The following MIX23 variants were observed in gnomAD, a reference collection of about 807,000 sequenced individuals.
MIX23 encodes mitochondrial matrix import factor 23.
In MIX23, 13 loss-of-function variants were observed where a neutral mutation model predicts 21.6. That is an observed-to-expected ratio of 0.60 (90% CI 0.39 to 0.96). The LOEUF (loss-of-function observed/expected upper bound fraction) is 0.96. MIX23 is among the 40% of genes least tolerant of loss of function. MIX23 has a pLI of 0.00. For synonymous variants in MIX23, 59 were observed against 58.0 expected, an observed-to-expected ratio of 1.02 and a Z score of -0.08; for missense variants, 144 against 171.2, an observed-to-expected ratio of 0.84 and a Z score of 0.89.
chr3:122,382,690 G>C (rs2075543121), intron 1 of MIX23, among the ~76,000 whole-genome samples: 1 of 152,182 alleles, frequency 6.6e-6, no homozygotes, highest in Non-Finnish European at 1.5e-5. Context: ...CACTAGAGCA[G>C]GTACTATAAT....
At chr3:122,361,120 C>T (rs548943612) in intron 4 of MIX23, among the ~76,000 whole-genome samples, 29 of 152,208 alleles carry the variant, frequency 1.9e-4, no homozygotes, top group Non-Finnish European at 3.8e-4. Context: ...GCTGGGATTA[C>T]AGGCGTGAGC....
At position 122,362,984 on chromosome 3, in the gene MIX23, T is replaced by C. The variant is rs779599766; in HGVS notation, c.368A>G (p.Asn123Ser). The change falls in exon 4 of 5, where the codon AAT (asparagine) becomes AGT (serine). Residue 123 changes from asparagine (N) to serine (S), a missense_variant. Transcript: ENST00000291458. ...ATTTTATACCTTCCAGCTCCTGTCA[T>C]TTACCACTTCTTCAACATTCAGTTC... ...QSELNVEEVV[N>S]DRSWKVFNER... 2 of 1,613,552 alleles carry C rather than the reference T, an allele frequency of 1.2e-6. No individual in the cohort carries two copies. The highest frequency in any genetic ancestry group is 1.1e-5 in the South Asian group (1 of 91,056).
At chr3:122,380,959 G>A (rs2075526583) in intron 1 of MIX23, among the ~76,000 whole-genome samples, 3 of 152,130 alleles carry the variant, frequency 2.0e-5, no homozygotes, top group Non-Finnish European at 4.4e-5. Flanking sequence ...TAACTCACAC[G>A]TGACACACAA....
chr3:122,363,421 G>A (rs1368535468), intron 3 of MIX23, among the ~76,000 whole-genome samples: 1 of 151,814 alleles, frequency 6.6e-6, no homozygotes, highest in African/African-American at 2.4e-5. Flanking sequence ...TAACATTAGT[G>A]AAGGTACGTG....
At chr3:122,369,426 T>C (rs1016748643) in intron 2 of MIX23, among the ~76,000 whole-genome samples, 3 of 152,214 alleles carry the variant, frequency 2.0e-5, no homozygotes, top group Non-Finnish European at 4.4e-5. Flanking sequence ...AGGGTGAACA[T>C]GAGCAACTTG....
intron 1 of MIX23, among the ~76,000 whole-genome samples, chr3:122,374,388 A>C (rs2075466978): frequency 6.6e-6 from 1 of 152,192 alleles, no homozygotes; most frequent in Non-Finnish European, 1.5e-5. Flanking sequence ...TGGTTAACAA[A>C]ATCCAAGGAT....
intron 1 of MIX23, among the ~76,000 whole-genome samples, chr3:122,379,327 T>C (rs964477819): frequency 2.0e-5 from 3 of 152,132 alleles, no homozygotes; most frequent in Non-Finnish European, 4.4e-5. Flanking sequence ...TTTTGTGGTG[T>C]AATGAGACAG....
rs150004660 is a variant in MIX23, at chr3:122,383,182, C to T, written c.43G>A (p.Glu15Lys). 106 of 1,613,578 alleles carry T rather than the reference C, an allele frequency of 6.6e-5. No homozygotes were observed. Among genetic ancestry groups the T allele is most frequent in the Non-Finnish European group, 9.0e-5 (106 of 1,180,046 alleles). ...GAGGAAAACCCCATCACCTGGAACT[C>T]GGCGAACTCCTCACAGTTCACACCG... ...SGGVNCEEFAEFQELLKVMRT... is the reference protein window; with the variant it reads ...SGGVNCEEFAKFQELLKVMRT... The change falls in exon 1 of 5, where the codon GAG becomes AAG. Residue 15 changes from glutamate (E) to lysine (K), a missense_variant. Glu to Lys is a moderately conservative substitution (Grantham distance 56, BLOSUM62 1). Coordinates refer to ENST00000291458, the MANE Select transcript of MIX23 (RefSeq NM_001017928.4).
At chr3:122,377,269 T>A (rs1015163172) in intron 1 of MIX23, among the ~76,000 whole-genome samples, 2 of 152,182 alleles carry the variant, frequency 1.3e-5, no homozygotes, top group African/African-American at 4.8e-5. Context: ...TGTTTTGGAC[T>A]TGTTAACGTT....
intron 4 of MIX23, among the ~76,000 whole-genome samples, chr3:122,361,751 G>A (rs1235793319): frequency 2.0e-5 from 3 of 152,066 alleles, no homozygotes; most frequent in Non-Finnish European, 4.4e-5. Context: ...ATCCTCTCAA[G>A]TGACAGACAC....
chr3:122,379,345 T>C (rs767732598), intron 1 of MIX23, among the ~76,000 whole-genome samples: 9 of 152,190 alleles, frequency 5.9e-5, no homozygotes, highest in Non-Finnish European at 8.8e-5. Context: ...CAGGAAGTGA[T>C]TTCTTTCAAA....
chr3:122,381,728 T>TAAAAAAAAAAAA (rs55955834), intron 1 of MIX23, among the ~76,000 whole-genome samples: 4 of 130,332 alleles, frequency 3.1e-5, no homozygotes, highest in African/African-American at 5.7e-5. Context: ...AAAAAAAAAA[T>TAAAAAAAAAAAA]AAAAAAAAAA....
chr3:122,382,137 T>C (rs1170438083), intron 1 of MIX23, among the ~76,000 whole-genome samples: 1 of 152,204 alleles, frequency 6.6e-6, no homozygotes, highest in Non-Finnish European at 1.5e-5. Context: ...AATTTGGAAA[T>C]AGGATATTTT....
intron 1 of MIX23, chr3:122,373,023 CT>C (rs1559992642): frequency 9.6e-6 from 4 of 414,726 alleles, no homozygotes; most frequent in African/African-American, 6.1e-5. Flanking sequence ...CAACTCCTTT[CT>C]TTCCTCGTCC....
At chr3:122,377,717 A>T (rs67706840) in intron 1 of MIX23, among the ~76,000 whole-genome samples, 26,070 of 152,138 alleles carry the variant, frequency 0.17, 2,428 homozygotes, top group Middle Eastern at 0.27. Flanking sequence ...GCATGGTGGC[A>T]TGTGCCTACA....
chr3:122,379,629 C>A (rs2075515032), intron 1 of MIX23, among the ~76,000 whole-genome samples: 1 of 152,180 alleles, frequency 6.6e-6, no homozygotes, highest in Non-Finnish European at 1.5e-5. Context: ...CAAGAAAATA[C>A]ATAGAAGACA....
At position 122,382,165 on chromosome 3, in the gene MIX23, A is replaced by G. The variant is rs926470999; in HGVS notation, c.51+1009T>C. Among the ~76,000 whole-genome samples the G allele has an allele frequency of 2.0e-5, 3 of 152,258 alleles. No homozygotes were observed. In the South Asian group the frequency reaches 6.2e-4, roughly 31 times the overall value. Reference sequence around the variant, plus strand: ...GATATTTTACAGAAGTACTAAATCTAATTTTTATAATGAAAAAATAAGAGT... The same window carrying G: ...GATATTTTACAGAAGTACTAAATCTGATTTTTATAATGAAAAAATAAGAGT... On this transcript the variant is annotated intron_variant, in intron 1 of 4. Coordinates refer to ENST00000291458, the MANE Select transcript of MIX23 (RefSeq NM_001017928.4).
At chr3:122,382,821 CA>C (rs1360591289) in intron 1 of MIX23, among the ~76,000 whole-genome samples, 3 of 152,282 alleles carry the variant, frequency 2.0e-5, no homozygotes, top group African/African-American at 7.2e-5. Context: ...ACTCTACTTA[CA>C]AAAGTAGGAG....
At chr3:122,377,784 G>T (rs1287426400) in intron 1 of MIX23, among the ~76,000 whole-genome samples, 2 of 152,142 alleles carry the variant, frequency 1.3e-5, no homozygotes, top group Non-Finnish European at 2.9e-5. Flanking sequence ...GGAGTTCAAG[G>T]TTACGGTTAC....
Sources: gnomAD v4.1 joint callset for allele counts (sites outside exome capture counted in the v4.1 genomes callset) on GRCh38, gnomAD v4.1.1 for gene constraint, MANE v1.5 for transcripts, NCBI Gene and HGNC (gene_info 2026-07-23, HGNC 2026-07-21) for gene names.